ARHGAP35: variants seen among roughly 807,000 people sequenced by gnomAD.
ARHGAP35 encodes the protein rho GTPase-activating protein 35.
A neutral mutation model predicts 111.1 loss-of-function variants in ARHGAP35; 15 were observed. The observed-to-expected ratio is 0.13, with a 90% confidence interval of 0.09 to 0.21. The LOEUF (loss-of-function observed/expected upper bound fraction) is 0.21, where lower values mean the gene tolerates loss of function less well. Ranked by LOEUF, ARHGAP35 falls within the 10% of genes least tolerant of loss-of-function variation. ARHGAP35 has a pLI of 1.00. For missense variants in ARHGAP35, 1,262 were observed against 1,873.0 expected, an observed-to-expected ratio of 0.67 and a Z score of 6.02; for synonymous variants, 643 against 710.3, an observed-to-expected ratio of 0.91 and a Z score of 1.51.
At chr19:46,979,373 C>T (rs745760879) in intron 3 of ARHGAP35, among the ~76,000 whole-genome samples, 6 of 152,142 alleles carry the variant, frequency 3.9e-5, no homozygotes, top group Non-Finnish European at 5.9e-5. Flanking sequence ...AGAGCGCAGT[C>T]GGCTCACCTC....
intron 1 of ARHGAP35, among the ~76,000 whole-genome samples, chr19:46,881,472 A>G (rs1190664496): frequency 2.0e-5 from 3 of 152,222 alleles, no homozygotes; most frequent in Non-Finnish European, 4.4e-5. Context: ...CATCTCCATC[A>G]GAGCTTTTGG....
intron 3 of ARHGAP35, among the ~76,000 whole-genome samples, chr19:46,944,405 A>G (rs183975275): frequency 2.0e-5 from 3 of 152,282 alleles, no homozygotes; most frequent in Non-Finnish European, 2.9e-5. Flanking sequence ...AGTCTCCAGG[A>G]GTCATCTCAT....
chr19:46,956,055 T>C (rs745407058), intron 3 of ARHGAP35, among the ~76,000 whole-genome samples: 8 of 152,204 alleles, frequency 5.3e-5, no homozygotes, highest in Non-Finnish European at 1.0e-4. Context: ...CAGTGGCTCA[T>C]GCCTGTAATC....
chr19:46,965,172 G>A (rs1726629759), intron 3 of ARHGAP35, among the ~76,000 whole-genome samples: 1 of 152,128 alleles, frequency 6.6e-6, no homozygotes, highest in Non-Finnish European at 1.5e-5. Flanking sequence ...AATTAGCCGG[G>A]CGTGGTGACA....
At chr19:46,987,276 C>T (rs1332923321) in intron 3 of ARHGAP35, among the ~76,000 whole-genome samples, 6 of 140,778 alleles carry the variant, frequency 4.3e-5, no homozygotes, top group Admixed American at 7.6e-5. Flanking sequence ...AGTGCAGTGA[C>T]GCAATCTCAG....
chr19:46,969,623 G>T (rs2056533825), intron 3 of ARHGAP35, among the ~76,000 whole-genome samples: 2 of 152,204 alleles, frequency 1.3e-5, no homozygotes, highest in African/African-American at 2.4e-5. Flanking sequence ...GAGAGCACTT[G>T]CCTCCTGCAG....
In ARHGAP35 at chr19:46,919,593, G is replaced by C; in HGVS notation, c.918G>C (p.Gln306His). ...SRKMQASPEY[Q>H]DYVYLEGTQK... ...AGATGCAGGCCTCTCCAGAATACCAGGACTATGTCTACCTGGAAGGGACTC... is the reference window on the plus strand; with the variant it reads ...AGATGCAGGCCTCTCCAGAATACCACGACTATGTCTACCTGGAAGGGACTC... The change falls in exon 2 of 7, where the codon CAG becomes CAC. Residue 306 changes from glutamine to histidine, a missense_variant. Gln to His is a conservative substitution (Grantham distance 24, BLOSUM62 0). This residue lies in a region of ARHGAP35 where 328 missense variants were observed against 440.8 expected (regional missense o/e 0.74). Coordinates refer to ENST00000672722, the MANE Select transcript of ARHGAP35 (RefSeq NM_004491.5). The surrounding 1 kb of genome is among the most constrained non-coding windows in gnomAD (Gnocchi z 6.2). 1 of 1,613,914 alleles carries C rather than the reference G, an allele frequency of 6.2e-7. No homozygotes were observed. Among genetic ancestry groups the C allele is most frequent in the Non-Finnish European group, 8.5e-7 (1 of 1,179,866 alleles).
At chr19:46,865,748 A>T (rs2055852099) in intron 1 of ARHGAP35, among the ~76,000 whole-genome samples, 1 of 152,126 alleles carries the variant, frequency 6.6e-6, no homozygotes, top group Non-Finnish European at 1.5e-5. Flanking sequence ...GTCTCCTGAG[A>T]GGTGTTAGGC....
At chr19:46,881,844 A>G (rs2055963827) in intron 1 of ARHGAP35, among the ~76,000 whole-genome samples, 1 of 152,124 alleles carries the variant, frequency 6.6e-6, no homozygotes, top group African/African-American at 2.4e-5. Context: ...TTTTGTCTAT[A>G]GTAGCCACCT....
In ARHGAP35 at chr19:46,926,778, T is replaced by TC. The variant is rs542887053; in HGVS notation, c.3681+4429dup. On this transcript the variant is annotated intron_variant, in intron 2 of 6. Coordinates refer to ENST00000672722, the MANE Select transcript of ARHGAP35 (RefSeq NM_004491.5). The surrounding 1 kb of genome is among the most constrained non-coding windows in gnomAD (Gnocchi z 4.1). ...CAAGTAACCAGTTTGACAGTTTGTG[T>TC]CCCCCCCTAGTGAATTGGCTTATTT... Among the ~76,000 whole-genome samples the TC allele has an allele frequency of 1.3e-4, 20 of 152,152 alleles. 1 individual carries two copies. In the South Asian group the frequency reaches 3.1e-3, roughly 24 times the overall value.
chr19:46,897,465 G>A (rs556091127), intron 1 of ARHGAP35, among the ~76,000 whole-genome samples: 5 of 143,946 alleles, frequency 3.5e-5, no homozygotes, highest in African/African-American at 5.1e-5. Context: ...TTTTTTTTAC[G>A]ACCTCCAACA....
At chr19:46,884,012 G>T (rs905719736) in intron 1 of ARHGAP35, among the ~76,000 whole-genome samples, 1 of 152,136 alleles carries the variant, frequency 6.6e-6, no homozygotes, top group African/African-American at 2.4e-5. Flanking sequence ...CCGAGATTGC[G>T]CCAGTGCACT....
At chr19:46,952,463 A>G (rs1415121191) in intron 3 of ARHGAP35, among the ~76,000 whole-genome samples, 2 of 152,240 alleles carry the variant, frequency 1.3e-5, no homozygotes, top group African/African-American at 2.4e-5. Flanking sequence ...TCTCCAAAAG[A>G]GCATTTAAGA....
intron 1 of ARHGAP35, among the ~76,000 whole-genome samples, 127 bp downstream of exon 1, chr19:46,861,336 A>G (rs1599785879): frequency 7.0e-6 from 1 of 142,744 alleles, no homozygotes; most frequent in South Asian, 2.4e-4. Flanking sequence ...GGGGGAGGGG[A>G]GGAGCGGCCC....
At chr19:46,895,408 A>G (rs950551221) in intron 1 of ARHGAP35, among the ~76,000 whole-genome samples, 7 of 151,690 alleles carry the variant, frequency 4.6e-5, no homozygotes, top group African/African-American at 9.7e-5. Flanking sequence ...CTCGTGATCC[A>G]CCCGCCTCGG....
At chr19:46,863,391 C>T (rs2055839359) in intron 1 of ARHGAP35, among the ~76,000 whole-genome samples, 2 of 152,182 alleles carry the variant, frequency 1.3e-5, no homozygotes, top group African/African-American at 4.8e-5. Context: ...CCCCATTTCC[C>T]CCACTTCCAC....
At chr19:46,933,630 C>G (rs988570990) in intron 2 of ARHGAP35, among the ~76,000 whole-genome samples, 1 of 152,066 alleles carries the variant, frequency 6.6e-6, no homozygotes, top group African/African-American at 2.4e-5. Flanking sequence ...ATACCCACAC[C>G]CACAAATATT....
At chr19:46,977,555 T>C (rs903930274) in intron 3 of ARHGAP35, among the ~76,000 whole-genome samples, 1 of 152,222 alleles carries the variant, frequency 6.6e-6, no homozygotes, top group Non-Finnish European at 1.5e-5. Context: ...TACTAGTTAC[T>C]GTGCAAGCCC....
At chr19:46,968,641 G>A (rs7507485) in intron 3 of ARHGAP35, among the ~76,000 whole-genome samples, 1 of 152,188 alleles carries the variant, frequency 6.6e-6, no homozygotes, top group Non-Finnish European at 1.5e-5. Flanking sequence ...ATATTATTCG[G>A]CCGTAAAAAG....
Sources: allele counts gnomAD v4.1 joint callset (sites outside exome capture counted in the v4.1 genomes callset), GRCh38; gene constraint gnomAD v4.1.1; regional missense constraint gnomAD v4.1.1; non-coding constraint Gnocchi (gnomAD v3.1); transcripts MANE v1.5; gene names NCBI Gene and HGNC (gene_info 2026-07-23, HGNC 2026-07-21).